Variants in ARHGAP12 observed in about 807,000 individuals in gnomAD.
ARHGAP12 encodes the protein Rho GTPase activating protein 12.
Under a neutral mutation model 108.6 loss-of-function variants are expected in ARHGAP12, and 64 were observed. The ratio of observed to expected loss-of-function variants is 0.59; its 90% confidence interval spans 0.48 to 0.73. ARHGAP12 has a LOEUF of 0.73. Among genes scored for constraint, ARHGAP12 ranks in the 30% least tolerant of loss-of-function variants. The pLI is 0.00. For missense variants in ARHGAP12, 940 were observed against 1,005.9 expected, an observed-to-expected ratio of 0.93 and a Z score of 0.89; for synonymous variants, 312 against 337.2, an observed-to-expected ratio of 0.93 and a Z score of 0.82.
chr10:31,820,330 C>A, intron 12 of ARHGAP12, 57 bp downstream of exon 12: 1 of 1,387,302 alleles, frequency 7.2e-7, no homozygotes. Context: ...GCTCAAAAAA[C>A]AGAACATCCA....
chr10:31,850,122 G>T (rs1836618577), intron 6 of ARHGAP12, among the ~76,000 whole-genome samples: 2 of 152,182 alleles, frequency 1.3e-5, no homozygotes, highest in Non-Finnish European at 1.5e-5. Context: ...TATGAAGAAA[G>T]ATACAGCAGA....
At position 31,814,291 on chromosome 10, in the gene ARHGAP12, T is replaced by C; in HGVS notation, c.1802A>G (p.Glu601Gly). Residue 601 changes from glutamate (E) to glycine (G), a missense_variant, in exon 14 of 20, where the codon GAA becomes GGA. By Grantham distance (98) the Glu-to-Gly change is moderately conservative. Transcript: ENST00000344936. ...DSPGIEKHDK[E>G]KEQKDPKKLR... is the part of the protein sequence containing the mutation. ...CTTTTTGGGATCCTTTTGTTCCTTTTCTTTATCATGCTTTTCTATTCCTGG... is the reference window on the plus strand; with the variant it reads ...CTTTTTGGGATCCTTTTGTTCCTTTCCTTTATCATGCTTTTCTATTCCTGG... 1 of 1,614,124 alleles carries C rather than the reference T, an allele frequency of 6.2e-7. No homozygotes were observed. Among genetic ancestry groups the C allele is most frequent in the Middle Eastern group, 1.6e-4 (1 of 6,062 alleles).
chr10:31,880,342 C>T (rs1379097255), intron 3 of ARHGAP12, among the ~76,000 whole-genome samples: 1 of 152,160 alleles, frequency 6.6e-6, no homozygotes, highest in African/African-American at 2.4e-5. Context: ...GGTGCAATGT[C>T]TCATGCCTGT....
chr10:31,915,141 C>T (rs948416515), intron 1 of ARHGAP12, among the ~76,000 whole-genome samples: 10 of 152,172 alleles, frequency 6.6e-5, no homozygotes, highest in African/African-American at 2.4e-4. Flanking sequence ...AATCCCAGCA[C>T]TTTGGGAGAC....
intron 3 of ARHGAP12, among the ~76,000 whole-genome samples, chr10:31,877,373 T>C (rs951883929): frequency 6.6e-6 from 1 of 152,170 alleles, no homozygotes; most frequent in Non-Finnish European, 1.5e-5. Flanking sequence ...TTATAAAGTA[T>C]CCATAACATT....
chr10:31,889,618 CGTT>C (rs1430908600), intron 3 of ARHGAP12, among the ~76,000 whole-genome samples: 14 of 101,552 alleles, frequency 1.4e-4, no homozygotes, highest in African/African-American at 5.2e-4. Context: ...TAATTTTTCT[CGTT>C]TTTTTTTTTT....
intron 3 of ARHGAP12, among the ~76,000 whole-genome samples, chr10:31,887,726 C>T (rs900633226): frequency 2.7e-5 from 4 of 146,662 alleles, no homozygotes; most frequent in African/African-American, 7.6e-5. Flanking sequence ...GGCGTGATCT[C>T]GCCTCACTGC....
At chr10:31,926,295 A>G (rs893142480) in intron 1 of ARHGAP12, among the ~76,000 whole-genome samples, 1 of 151,984 alleles carries the variant, frequency 6.6e-6, no homozygotes. Flanking sequence ...GCTGAATCAC[A>G]GCAAAGCCAT....
chr10:31,853,528 A>T (rs1389486147), intron 5 of ARHGAP12, among the ~76,000 whole-genome samples: 1 of 152,352 alleles, frequency 6.6e-6, no homozygotes, highest in East Asian at 1.9e-4. Context: ...ATAAAAGCCT[A>T]GCCCCACTTA....
chr10:31,849,458 G>A (rs77860738), intron 6 of ARHGAP12, among the ~76,000 whole-genome samples: 98 of 152,264 alleles, frequency 6.4e-4, no homozygotes, highest in African/African-American at 2.3e-3. Flanking sequence ...CCAAAGATGT[G>A]TTCAGAAAAT....
At position 31,861,389 on chromosome 10, in the gene ARHGAP12, T is replaced by G; in HGVS notation, c.948+6A>C. On this transcript the variant is annotated splice_donor_region_variant and intron_variant, in intron 4 of 19. Transcript: ENST00000344936. ...AACTTGCAGTTGATTCCTTAATTAC[T>G]CATACCTCTTGATCCCCTGGATTTT... 6.2e-7 allele frequency: 1 copy of G among 1,603,272 alleles called. No homozygotes were observed. The highest frequency in any genetic ancestry group is 8.5e-7 in the Non-Finnish European group (1 of 1,176,610).
chr10:31,837,946 G>A (rs1243874254), intron 9 of ARHGAP12, among the ~76,000 whole-genome samples: 1 of 152,118 alleles, frequency 6.6e-6, no homozygotes, highest in East Asian at 1.9e-4. Context: ...CTCTAATGAA[G>A]CTTTACTCTG....
intron 13 of ARHGAP12, among the ~76,000 whole-genome samples, chr10:31,814,628 C>T (rs1354120540): frequency 3.3e-5 from 5 of 152,092 alleles, no homozygotes; most frequent in Admixed American, 2.6e-4. Context: ...GCTATCTTGC[C>T]TCATTTTAAT....
chr10:31,867,611 C>A (rs1037156649), intron 3 of ARHGAP12, among the ~76,000 whole-genome samples: 9 of 152,048 alleles, frequency 5.9e-5, no homozygotes, highest in African/African-American at 2.2e-4. Context: ...TGGGATGTAA[C>A]AACTCTAGTT....
chr10:31,876,208 A>G (rs529683123), intron 3 of ARHGAP12, among the ~76,000 whole-genome samples: 8 of 152,236 alleles, frequency 5.3e-5, no homozygotes, highest in African/African-American at 1.9e-4. Flanking sequence ...CTATTGCTCT[A>G]AAGGTCATCA....
At chr10:31,815,906 T>C (rs1174127303) in intron 13 of ARHGAP12, among the ~76,000 whole-genome samples, 6 of 152,066 alleles carry the variant, frequency 3.9e-5, no homozygotes. Context: ...TCCCAGCACT[T>C]TGGGAGGCCA....
At chr10:31,914,382 T>G (rs1839473742) in intron 1 of ARHGAP12, among the ~76,000 whole-genome samples, 2 of 152,052 alleles carry the variant, frequency 1.3e-5, no homozygotes, top group Non-Finnish European at 2.9e-5. Flanking sequence ...TTCCTCTGCA[T>G]GTCGCTATAC....
intron 3 of ARHGAP12, among the ~76,000 whole-genome samples, chr10:31,889,977 T>C (rs1366638492): frequency 1.3e-5 from 2 of 152,172 alleles, no homozygotes; most frequent in Non-Finnish European, 2.9e-5. Context: ...ATACTTGTAC[T>C]TAGTCATTCT....
At chr10:31,860,769 T>C (rs1837083072) in intron 4 of ARHGAP12, among the ~76,000 whole-genome samples, 1 of 152,216 alleles carries the variant, frequency 6.6e-6, no homozygotes, top group South Asian at 2.1e-4. Flanking sequence ...ACATCACATT[T>C]CTATTTTTTT....
Sources: gnomAD v4.1 joint callset for allele counts (sites outside exome capture counted in the v4.1 genomes callset) on GRCh38, gnomAD v4.1.1 for gene constraint, MANE v1.5 for transcripts, NCBI Gene and HGNC (gene_info 2026-07-23, HGNC 2026-07-21) for gene names.